The following TRIOBP variants were observed in gnomAD, a reference collection of about 807,000 sequenced individuals.
TRIOBP encodes the protein TRIO and F-actin binding protein.
In TRIOBP, 169 loss-of-function variants were observed where a neutral mutation model predicts 238.8. The ratio of observed to expected loss-of-function variants is 0.71; its 90% CI spans 0.62 to 0.80. The LOEUF is 0.80. Among genes scored for constraint, TRIOBP ranks in the 30% least tolerant of loss-of-function variants. The pLI is 0.00. For synonymous variants in TRIOBP, 1,150 were observed against 1,274.4 expected (o/e 0.90, Z 2.08); for missense variants, 2,838 against 3,122.6 (o/e 0.91, Z 2.17).
At chr22:37,773,253 C>G (rs765773784) in intron 23 of TRIOBP, among the ~76,000 whole-genome samples, 5 of 152,138 alleles carry the variant, frequency 3.3e-5, no homozygotes, top group Non-Finnish European at 7.3e-5. Context: ...AGGTCTTACT[C>G]TGACACCCAG....
chr22:37,759,308 T>TG lies in TRIOBP; in HGVS notation c.6324+45dup, dbSNP rs777578806. 5.1e-6 allele frequency: 8 copies of TG among 1,581,314 alleles called. No homozygotes were observed. In the Admixed American group the frequency reaches 1.3e-4, roughly 26 times the overall value. On this transcript the variant is annotated intron_variant, in intron 17 of 23. Coordinates refer to ENST00000644935, the MANE Select transcript of TRIOBP (RefSeq NM_001039141.3). The stretch of plus-strand genomic sequence containing the variant: ...TTTTCAGGGGGAGGGGGCAGATTTC[T>TG]GCTTGCCGTGTTATCAGGAAACAGC...
intron 11 of TRIOBP, among the ~76,000 whole-genome samples, chr22:37,747,690 G>A (rs5995494): frequency 6.6e-6 from 1 of 152,248 alleles, no homozygotes; most frequent in Non-Finnish European, 1.5e-5. Flanking sequence ...CCCACCGGGT[G>A]CCTGCCCGGC....
chr22:37,755,505 A>G (rs1184296013), intron 14 of TRIOBP, 45 bp from the exon 15 acceptor site: 9 of 1,550,038 alleles, frequency 5.8e-6, no homozygotes, highest in Non-Finnish European at 4.5e-6. Flanking sequence ...GGAGGGAGTC[A>G]TGCGGCTGGC....
intron 15 of TRIOBP, among the ~76,000 whole-genome samples, chr22:37,757,370 A>G (rs1330646905): frequency 6.6e-6 from 1 of 152,054 alleles, no homozygotes; most frequent in African/African-American, 2.4e-5. Context: ...CCCTTGAAAA[A>G]CAAAAACAAG....
intron 11 of TRIOBP, chr22:37,746,469 C>A: frequency 1.5e-6 from 2 of 1,364,130 alleles, no homozygotes; most frequent in South Asian, 1.4e-5. Context: ...AGAAGGGCGA[C>A]GACCCGAGGC....
Position 37,713,245 on chromosome 22 carries a change from G to C in TRIOBP, c.290G>C (p.Gly97Ala). The change falls in exon 5 of 24, where the codon GGT becomes GCT. Residue 97 changes from glycine to alanine, a missense_variant. By Grantham distance (60) the Gly-to-Ala change is moderately conservative (BLOSUM62 0). This residue lies in a region of TRIOBP where 535 missense variants were observed against 537.3 expected (regional missense o/e 1.00). Coordinates refer to ENST00000644935, the MANE Select transcript of TRIOBP (RefSeq NM_001039141.3). Reference protein sequence around the residue: ...PSPSAGLPEEGPTAAPRSRSR... With the variant: ...PSPSAGLPEEAPTAAPRSRSR... ...CCCTCAGCAGGGCTCCCAGAAGAGG[G>C]TCCCACAGCTGCCCCCAGGAGCAGG... The C allele has an allele frequency of 1.2e-6, 2 of 1,613,822 alleles. No homozygotes were observed. The highest frequency in any genetic ancestry group is 1.7e-6 in the Non-Finnish European group (2 of 1,179,864).
At position 37,733,431 on chromosome 22, in the gene TRIOBP, C is replaced by T. The variant is rs143953666; in HGVS notation, c.4062+19C>T. On this transcript the variant is annotated intron_variant, in intron 8 of 23. Coordinates refer to ENST00000644935, the MANE Select transcript of TRIOBP (RefSeq NM_001039141.3). ...CAGGCAGGTGAGCACTGCCAGCTGTCTGGGGCCCCGCACCCCAAGGGGCGG... is the reference window on the plus strand; with the variant it reads ...CAGGCAGGTGAGCACTGCCAGCTGTTTGGGGCCCCGCACCCCAAGGGGCGG... 112 of 1,543,178 alleles carry T rather than the reference C, an allele frequency of 7.3e-5. 1 individual carries two copies. The African/African-American group carries it at 1.4e-3, about 19-fold the overall frequency.
chr22:37,753,953 G>A (rs1287037468), intron 12 of TRIOBP, among the ~76,000 whole-genome samples: 1 of 152,160 alleles, frequency 6.6e-6, no homozygotes. Context: ...ATACTATCAG[G>A]CTGTTCTGGC....
intron 9 of TRIOBP, 53 bp from the exon 10 acceptor site, chr22:37,738,589 A>G: frequency 1.3e-6 from 2 of 1,560,636 alleles, no homozygotes; most frequent in Non-Finnish European, 1.8e-6. Flanking sequence ...GGACAGATGC[A>G]TGCATCCTGG....
In TRIOBP at chr22:37,740,795, A is replaced by G. The variant is rs539681181; in HGVS notation, c.5185-100A>G. On this transcript the variant is annotated intron_variant, in intron 10 of 23. Transcript: ENST00000644935. ...AGAAAGATGGGAACCCTGGGGCTCC[A>G]TGGTGGGGGGCACCACAGAATGGGC... The G allele has an allele frequency of 2.8e-5, 43 of 1,520,952 alleles. No homozygotes were observed. The East Asian group carries it at 8.8e-4, about 31-fold the overall frequency. 94.2% of individuals were successfully genotyped at this position (1,520,952 alleles called of 1,614,324 possible). A position where few individuals can be genotyped will look rare whatever the true frequency, so the allele number is the denominator to read the frequency against.
chr22:37,704,224 A>T (rs1922806736), intron 3 of TRIOBP, among the ~76,000 whole-genome samples: 1 of 152,134 alleles, frequency 6.6e-6, no homozygotes, highest in African/African-American at 2.4e-5. Context: ...TCTACAAAAA[A>T]TTTAAAAAAT....
chr22:37,741,129 G>A (rs899060381), intron 11 of TRIOBP, 97 bp downstream of exon 11: 8 of 1,486,720 alleles, frequency 5.4e-6, no homozygotes, highest in African/African-American at 4.2e-5. Context: ...GAGAGTGGGG[G>A]CTGAGGAGGA....
chr22:37,743,180 C>T lies in TRIOBP; in HGVS notation c.5322+2148C>T, dbSNP rs771373094. On this transcript the variant is annotated intron_variant, in intron 11 of 23. Transcript: ENST00000644935. ...ATGTGGGAGTGAGGGAAATGAAGAGCTAGGGATGGAACTGCCAGCAGGGCC... is the reference window on the plus strand; with the variant it reads ...ATGTGGGAGTGAGGGAAATGAAGAGTTAGGGATGGAACTGCCAGCAGGGCC... 3.6e-4 allele frequency among the ~76,000 whole-genome samples: 55 copies of T among 152,182 alleles called. 1 individual carries two copies. The highest frequency in any genetic ancestry group is 1.8e-4 in the Non-Finnish European group (12 of 68,028).
chr22:37,743,801 ATGTGTGTG>A (rs71195050), intron 11 of TRIOBP, among the ~76,000 whole-genome samples: 2,534 of 114,162 alleles, frequency 0.022, 65 homozygotes, highest in East Asian at 0.081. Context: ...GAGAGAGAGA[ATGTGTGTG>A]TGTGTGTGTG....
At chr22:37,735,848 A>G (rs1205384377) in intron 9 of TRIOBP, among the ~76,000 whole-genome samples, 1 of 152,212 alleles carries the variant, frequency 6.6e-6, no homozygotes, top group African/African-American at 2.4e-5. Flanking sequence ...GCCAGGGCCT[A>G]TTCCCCTCCT....
rs1436510480 is a variant in TRIOBP, at chr22:37,727,390, C to A, written c.3947+887C>A. On this transcript the variant is annotated intron_variant, in intron 7 of 23. Transcript: ENST00000644935. ...TCAATTTAAAATGTATGGCCAGGGC[C>A]GGGCACGGTGGCTCATGCCTGTAAT... is the stretch of plus-strand genomic sequence containing the variant. Among the ~76,000 whole-genome samples, 8 of 151,366 alleles carry A rather than the reference C, an allele frequency of 5.3e-5. No homozygotes were observed. In the East Asian group the frequency reaches 1.6e-3, roughly 30 times the overall value.
intron 1 of TRIOBP, among the ~76,000 whole-genome samples, 157 bp downstream of exon 1, chr22:37,697,246 A>G (rs1405139478): frequency 6.6e-6 from 1 of 152,080 alleles, no homozygotes; most frequent in Non-Finnish European, 1.5e-5. Context: ...TAAGGTTTTG[A>G]TTATTATATC....
At position 37,733,376 on chromosome 22, in the gene TRIOBP, T is replaced by C. The variant is rs1924515866; in HGVS notation, c.4026T>C (p.Leu1342=). ...SQQPSQGQSQ[L]LRRQSSPAPS... is the part of the protein sequence containing the mutation. ...AGCCCAGCCAAGGCCAGAGCCAACTTCTCCGAAGACAGTCCAGCCCTGCCC... is the reference window on the plus strand; with the variant it reads ...AGCCCAGCCAAGGCCAGAGCCAACTCCTCCGAAGACAGTCCAGCCCTGCCC... Residue 1342 remains leucine (L), a synonymous_variant, in exon 8 of 24, where the codon CTT becomes CTC. Coordinates refer to ENST00000644935, the MANE Select transcript of TRIOBP (RefSeq NM_001039141.3). The C allele has an allele frequency of 6.4e-7, 1 of 1,551,212 alleles. No homozygotes were observed. The highest frequency in any genetic ancestry group is 8.7e-7 in the Non-Finnish European group (1 of 1,147,270).
chr22:37,723,750 A>G lies in TRIOBP; in HGVS notation c.1194A>G (p.Gln398=), dbSNP rs199535040. 2 of 545,554 alleles carry G rather than the reference A, an allele frequency of 3.7e-6. No individual in the cohort carries two copies. Among genetic ancestry groups the G allele is most frequent in the African/African-American group, 2.0e-5 (1 of 49,470 alleles). The allele number at this position is 545,554 out of a possible 1,614,324, so 33.8% of individuals were successfully genotyped here. The part of the protein sequence containing the change: ...PRASSPNRTT[Q]RENSRTSCAQ... ...CCTCCTCTCCCAACAGAACCACTCA[A>G]CGAGAGAATTCCAGAACATCCTGTG... The change falls in exon 7 of 24, where the codon CAA becomes CAG. Residue 398 remains glutamine (Q), a synonymous_variant. Coordinates refer to ENST00000644935, the MANE Select transcript of TRIOBP (RefSeq NM_001039141.3).
Sources: gnomAD v4.1 joint callset for allele counts (sites outside exome capture counted in the v4.1 genomes callset) on GRCh38, gnomAD v4.1.1 for gene constraint, gnomAD v4.1.1 regional missense constraint, MANE v1.5 for transcripts, NCBI Gene and HGNC (gene_info 2026-07-23, HGNC 2026-07-21) for gene names.